The following MON2 variants were observed in gnomAD, a reference collection of about 807,000 sequenced individuals.
MON2 encodes MON2 regulator of endosome-to-Golgi trafficking, also known as protein MON2 homolog.
In MON2, 84 loss-of-function variants were observed where a neutral mutation model predicts 208.6. That is an observed-to-expected ratio of 0.40 (90% CI 0.34 to 0.48). The LOEUF (loss-of-function observed/expected upper bound fraction) is 0.48. Ranked by LOEUF, MON2 falls within the 20% of genes least tolerant of loss-of-function variation. The probability of loss-of-function intolerance (pLI) is 0.59; values close to 1 mark genes in which losing one functional copy is unlikely to be tolerated. For synonymous variants in MON2, 660 were observed against 694.0 expected (o/e 0.95, Z 0.77); for missense variants, 1,611 against 2,015.4 (o/e 0.80, Z 3.84).
At chr12:62,583,352 C>T (rs1050185190) in intron 32 of MON2, among the ~76,000 whole-genome samples, 6 of 150,750 alleles carry the variant, frequency 4.0e-5, no homozygotes, top group African/African-American at 9.8e-5. Context: ...AAAAACAAGA[C>T]GAGAAAGAAC....
At position 62,593,706 on chromosome 12, in the gene MON2, TAAC is replaced by T. The variant is rs1358273648; in HGVS notation, c.*962_*964del. On this transcript the variant is annotated 3_prime_UTR_variant, in exon 35 of 35. Coordinates refer to ENST00000393630, the MANE Select transcript of MON2 (RefSeq NM_015026.3). ...ATATTTCTACTGATTTTGTTTCCCC[TAAC>T]AACATTTGTCACTGTCTTTGAATTA... The T allele has an allele frequency of 6.6e-6, 1 of 152,384 alleles. No homozygotes were observed. Among genetic ancestry groups the T allele is most frequent in the East Asian group, 1.9e-4 (1 of 5,202 alleles). The allele number at this position is 152,384 out of a possible 1,614,324, so 9.4% of individuals were successfully genotyped here. A position where few individuals can be genotyped will look rare whatever the true frequency, so the allele number is the denominator to read the frequency against.
In MON2 at chr12:62,593,862, G is replaced by A. The variant is rs2075466013; in HGVS notation, c.*1113G>A. The A allele has an allele frequency of 6.6e-6, 1 of 152,150 alleles. No homozygotes were observed. The highest frequency in any genetic ancestry group is 1.5e-5 in the Non-Finnish European group (1 of 68,004). 9.4% of individuals were successfully genotyped at this position (152,150 alleles called of 1,614,324 possible). A position where few individuals can be genotyped will look rare whatever the true frequency, so the allele number is the denominator to read the frequency against. On this transcript the variant is annotated 3_prime_UTR_variant, in exon 35 of 35. Coordinates refer to ENST00000393630, the MANE Select transcript of MON2 (RefSeq NM_015026.3). ...GTTAACTCACAAGTATAAAATATGT[G>A]TGTATTATAAAACAATGAAAAGTGT...
At chr12:62,587,691 A>G (rs1016992758) in intron 33 of MON2, among the ~76,000 whole-genome samples, 1 of 152,152 alleles carries the variant, frequency 6.6e-6, no homozygotes, top group African/African-American at 2.4e-5. Flanking sequence ...GTGAGCTGTG[A>G]TCTCACCATT....
chr12:62,569,388 A>G (rs1223352309), intron 29 of MON2, among the ~76,000 whole-genome samples: 1 of 152,206 alleles, frequency 6.6e-6, no homozygotes, highest in Non-Finnish European at 1.5e-5. Context: ...ATTCAAAGAT[A>G]GAGGAAGGCC....
At chr12:62,566,937 G>A (rs1250134388) in intron 29 of MON2, among the ~76,000 whole-genome samples, 1 of 152,112 alleles carries the variant, frequency 6.6e-6, no homozygotes. Context: ...CCAGTGAGGG[G>A]GTTTCTTAGG....
intron 29 of MON2, among the ~76,000 whole-genome samples, chr12:62,568,440 G>A (rs781771900): frequency 6.6e-6 from 1 of 152,142 alleles, no homozygotes; most frequent in Non-Finnish European, 1.5e-5. Flanking sequence ...CTGATCTCAT[G>A]TGATCTTCCT....
At chr12:62,543,568 T>G (rs11174538) in intron 20 of MON2, among the ~76,000 whole-genome samples, 60,063 of 151,954 alleles carry the variant, frequency 0.4, 12,055 homozygotes, top group African/African-American at 0.44. Context: ...ACACTGCTCA[T>G]TTATAGCCTT....
At chr12:62,490,944 G>A (rs945618567) in intron 2 of MON2, among the ~76,000 whole-genome samples, 4 of 152,014 alleles carry the variant, frequency 2.6e-5, no homozygotes, top group Non-Finnish European at 5.9e-5. Context: ...ATTTTAATAT[G>A]CACAGTTTTT....
chr12:62,469,730 T>G (rs2068691613), intron 1 of MON2, among the ~76,000 whole-genome samples: 1 of 152,178 alleles, frequency 6.6e-6, no homozygotes, highest in Non-Finnish European at 1.5e-5. Context: ...TTCAAGAAAC[T>G]GGTAGGATTT....
At chr12:62,581,791 C>T (rs990283806) in intron 32 of MON2, among the ~76,000 whole-genome samples, 1 of 152,114 alleles carries the variant, frequency 6.6e-6, no homozygotes, top group African/African-American at 2.4e-5. Flanking sequence ...GATCACACTA[C>T]TGCACTCCAG....
At position 62,473,289 on chromosome 12, in the gene MON2, G is replaced by A. The variant is rs2068886516; in HGVS notation, c.111+5971G>A. The stretch of plus-strand genomic sequence containing the variant: ...GAGGAAACTGGTATAGACAGGTTTA[G>A]TAATTTGCATAAGGTAGTAAAGCTG... On this transcript the variant is annotated intron_variant, in intron 1 of 34. Transcript: ENST00000393630. Among the ~76,000 whole-genome samples the A allele has an allele frequency of 2.1e-5, 3 of 145,300 alleles. No individual in the cohort carries two copies. In the South Asian group the frequency reaches 6.8e-4, roughly 33 times the overall value.
chr12:62,543,826 T>G (rs1048292141), intron 20 of MON2, among the ~76,000 whole-genome samples: 1 of 152,138 alleles, frequency 6.6e-6, no homozygotes, highest in African/African-American at 2.4e-5. Context: ...CAGGCTGGTC[T>G]TGGAACTCCT....
chr12:62,531,115 A>G (rs185832091), intron 11 of MON2, among the ~76,000 whole-genome samples: 118 of 152,222 alleles, frequency 7.8e-4, no homozygotes, highest in African/African-American at 2.8e-3. Flanking sequence ...TATATTCTAG[A>G]TGCCTGTCTC....
Position 62,516,880 on chromosome 12 carries a change from A to C in MON2, c.985-7635A>C, listed in dbSNP as rs187668087. Among the ~76,000 whole-genome samples, 747 of 152,286 alleles carry C rather than the reference A, an allele frequency of 4.9e-3. 6 individuals are homozygous for C. Among genetic ancestry groups the C allele is most frequent in the Non-Finnish European group, 7.4e-3 (503 of 68,030 alleles). On this transcript the variant is annotated intron_variant, in intron 8 of 34. Transcript: ENST00000393630. ...TACATACCTACTATATACTCATAAAAATTAAAAAAAAATATTTTTAAGTAA... is the reference window on the plus strand; with the variant it reads ...TACATACCTACTATATACTCATAAACATTAAAAAAAAATATTTTTAAGTAA...
At chr12:62,494,446 A>G (rs2136051015) in intron 3 of MON2, among the ~76,000 whole-genome samples, 1 of 152,310 alleles carries the variant, frequency 6.6e-6, no homozygotes, top group Non-Finnish European at 1.5e-5. Flanking sequence ...GAAAAATGAG[A>G]AAAAATATTT....
chr12:62,561,809 T>C (rs991181584), intron 26 of MON2, among the ~76,000 whole-genome samples: 1 of 152,156 alleles, frequency 6.6e-6, no homozygotes, highest in Non-Finnish European at 1.5e-5. Flanking sequence ...CTAATAAGAT[T>C]GGAGTAGATC....
chr12:62,495,553 A>T (rs7136557), intron 4 of MON2, among the ~76,000 whole-genome samples: 8 of 151,718 alleles, frequency 5.3e-5, no homozygotes, highest in Non-Finnish European at 7.4e-5. Flanking sequence ...AGCCAGGTGT[A>T]GTGGCGGGCG....
Position 62,592,791 on chromosome 12 carries a change from ATGTT to A in MON2, c.*45_*48del. 1 of 1,506,828 alleles carries A rather than the reference ATGTT, an allele frequency of 6.6e-7. No individual in the cohort carries two copies. Among genetic ancestry groups the A allele is most frequent in the Non-Finnish European group, 9.0e-7 (1 of 1,108,392 alleles). The allele number at this position is 1,506,828 out of a possible 1,614,324, so 93.3% of individuals were successfully genotyped here. ...TGAAAGCAGGAAGATAGTCTAAAAA[ATGTT>A]TGCTCCTAATTGAGTCTTCTGTGAG... On this transcript the variant is annotated 3_prime_UTR_variant, in exon 35 of 35. Coordinates refer to ENST00000393630, the MANE Select transcript of MON2 (RefSeq NM_015026.3).
intron 16 of MON2, among the ~76,000 whole-genome samples, 192 bp downstream of exon 16, chr12:62,537,898 C>T (rs547563999): frequency 6.6e-6 from 1 of 152,198 alleles, no homozygotes; most frequent in African/African-American, 2.4e-5. Flanking sequence ...CTCATAATGG[C>T]CTAAGCTCTG....
Sources: allele counts gnomAD v4.1 joint callset (sites outside exome capture counted in the v4.1 genomes callset), GRCh38; gene constraint gnomAD v4.1.1; transcripts MANE v1.5; gene names NCBI Gene and HGNC (gene_info 2026-07-23, HGNC 2026-07-21).